The following L3MBTL3 variants were observed in gnomAD, a reference collection of about 807,000 sequenced individuals.
L3MBTL3 encodes the protein lethal(3)malignant brain tumor-like protein 3.
A neutral mutation model predicts 102.3 loss-of-function variants in L3MBTL3; 27 were observed. The observed-to-expected ratio is 0.26, with a 90% CI of 0.19 to 0.36. L3MBTL3 has a LOEUF of 0.36. L3MBTL3 is among the 10% of genes least tolerant of loss of function. L3MBTL3 has a pLI of 1.00. For synonymous variants in L3MBTL3, 340 were observed against 320.9 expected, an observed-to-expected ratio of 1.06 and a Z score of -0.64; for missense variants, 798 against 955.3, an observed-to-expected ratio of 0.84 and a Z score of 2.17.
intron 19 of L3MBTL3, among the ~76,000 whole-genome samples, chr6:130,119,055 CAAA>C (rs918994855): frequency 6.6e-6 from 1 of 152,020 alleles, no homozygotes; most frequent in Non-Finnish European, 1.5e-5. Context: ...AATAAATCCA[CAAA>C]AGGGTAACTG....
At chr6:130,139,063 C>T (rs1788026914) in intron 22 of L3MBTL3, among the ~76,000 whole-genome samples, 1 of 147,060 alleles carries the variant, frequency 6.8e-6, no homozygotes, top group Non-Finnish European at 1.5e-5. Flanking sequence ...TGTTTGATTG[C>T]CCCGTTAGTA....
intron 7 of L3MBTL3, among the ~76,000 whole-genome samples, 181 bp downstream of exon 7, chr6:130,053,172 C>A (rs1424425729): frequency 2.2e-5 from 3 of 136,328 alleles, no homozygotes; most frequent in African/African-American, 7.4e-5. Context: ...AAATGGGAAT[C>A]ATAAACAATA....
chr6:130,078,242 T>C (rs1467806812), intron 13 of L3MBTL3, among the ~76,000 whole-genome samples: 1 of 152,224 alleles, frequency 6.6e-6, no homozygotes, highest in Non-Finnish European at 1.5e-5. Context: ...CACATGATTT[T>C]AATGAATCTA....
chr6:130,073,344 A>G (rs1782753295), intron 13 of L3MBTL3, among the ~76,000 whole-genome samples: 1 of 152,182 alleles, frequency 6.6e-6, no homozygotes, highest in African/African-American at 2.4e-5. Flanking sequence ...TCTGTCCTGA[A>G]TCAAACCTGT....
chr6:130,087,651 A>T (rs984370452), intron 16 of L3MBTL3, among the ~76,000 whole-genome samples: 1 of 152,174 alleles, frequency 6.6e-6, no homozygotes, highest in African/African-American at 2.4e-5. Context: ...AGGAATATGC[A>T]AAAATAAAAA....
intron 16 of L3MBTL3, among the ~76,000 whole-genome samples, chr6:130,090,079 G>T (rs1025783746): frequency 6.6e-6 from 1 of 151,666 alleles, no homozygotes; most frequent in South Asian, 2.1e-4. Flanking sequence ...CTTTTCTTGG[G>T]GTATTCTCTT....
intron 19 of L3MBTL3, among the ~76,000 whole-genome samples, chr6:130,109,572 ATTTG>A (rs1202756209): frequency 6.6e-6 from 1 of 152,068 alleles, no homozygotes; most frequent in East Asian, 1.9e-4. Flanking sequence ...TTTCTTGTAA[ATTTG>A]TTTAAGTTCC....
intron 19 of L3MBTL3, among the ~76,000 whole-genome samples, chr6:130,115,705 A>G (rs1398236273): frequency 1.3e-5 from 2 of 152,242 alleles, no homozygotes; most frequent in African/African-American, 4.8e-5. Context: ...ACATTTTTCC[A>G]TTCAAGTGGA....
intron 2 of L3MBTL3, among the ~76,000 whole-genome samples, chr6:130,033,103 A>G (rs775084917): frequency 6.6e-6 from 1 of 152,176 alleles, no homozygotes; most frequent in Non-Finnish European, 1.5e-5. Flanking sequence ...AGTTGAGGGA[A>G]GGGTAAGGGA....
rs1788176748 is a variant in L3MBTL3 at position 130,140,531 on chromosome 6, G to A, written c.*778G>A. 6.6e-6 allele frequency: 1 copy of A among 152,204 alleles called. No homozygotes were observed. The highest frequency in any genetic ancestry group is 1.5e-5 in the Non-Finnish European group (1 of 68,022). 9.4% of individuals were successfully genotyped at this position (152,204 alleles called of 1,614,324 possible). A position where few individuals can be genotyped will look rare whatever the true frequency, so the allele number is the denominator to read the frequency against. On this transcript the variant is annotated 3_prime_UTR_variant, in exon 23 of 23. Coordinates refer to ENST00000361794, the MANE Select transcript of L3MBTL3 (RefSeq NM_032438.4). ...GAGTGGCATCAGTCTCACTCATCTT[G>A]GTGCCCCGGTGTTTACAAGAGCCAG...
At chr6:130,106,930 G>A (rs941936709) in intron 19 of L3MBTL3, among the ~76,000 whole-genome samples, 1 of 152,190 alleles carries the variant, frequency 6.6e-6, no homozygotes, top group Admixed American at 6.5e-5. Context: ...GTAATCTTAT[G>A]TTTTGAATTG....
chr6:130,116,311 G>A (rs1265925213), intron 19 of L3MBTL3, among the ~76,000 whole-genome samples: 1 of 152,120 alleles, frequency 6.6e-6, no homozygotes, highest in Non-Finnish European at 1.5e-5. Flanking sequence ...TATTATCCTT[G>A]TTTTACCAAT....
rs367719296 is a variant in L3MBTL3, at chr6:130,108,230, TG to T, written c.1886+3656del. On this transcript the variant is annotated intron_variant, in intron 19 of 22. Transcript: ENST00000361794. ...AATAAATGTTAGGTGGTTTTTTTTTTGTTTTTTTTTTTTTTTTTTTTTTAGA... is the reference window on the plus strand; with the variant it reads ...AATAAATGTTAGGTGGTTTTTTTTTTTTTTTTTTTTTTTTTTTTTTTTAGA... Among the ~76,000 whole-genome samples, 938 of 104,524 alleles carry T rather than the reference TG, an allele frequency of 9.0e-3. 41 individuals are homozygous for T. Among genetic ancestry groups the T allele is most frequent in the Middle Eastern group, 0.015 (3 of 200 alleles). 68.6% of individuals were successfully genotyped at this position (104,524 alleles called of 152,430 possible).
intron 19 of L3MBTL3, among the ~76,000 whole-genome samples, chr6:130,119,837 T>G (rs1187991055): frequency 6.6e-6 from 1 of 152,208 alleles, no homozygotes; most frequent in African/African-American, 2.4e-5. Flanking sequence ...AGAAAACATG[T>G]ATTTATTGCA....
At chr6:130,125,871 G>A (rs1786565512) in intron 20 of L3MBTL3, among the ~76,000 whole-genome samples, 1 of 152,102 alleles carries the variant, frequency 6.6e-6, no homozygotes, top group African/African-American at 2.4e-5. Flanking sequence ...CCTGTTTTGA[G>A]TCTAGGAGCA....
intron 16 of L3MBTL3, among the ~76,000 whole-genome samples, chr6:130,090,213 C>G (rs1487297588): frequency 1.4e-5 from 2 of 146,402 alleles, no homozygotes; most frequent in African/African-American, 2.5e-5. Flanking sequence ...TATATATATA[C>G]TTTTACTAAC....
intron 18 of L3MBTL3, among the ~76,000 whole-genome samples, chr6:130,095,510 C>T (rs1466379435): frequency 6.6e-6 from 1 of 152,030 alleles, no homozygotes; most frequent in Non-Finnish European, 1.5e-5. Context: ...TATGATACAT[C>T]TTGGAAGTTA....
rs553857108 is a variant in L3MBTL3 at position 130,064,877 on chromosome 6, G to A, written c.865-1476G>A. Among the ~76,000 whole-genome samples, 9 of 152,310 alleles carry A rather than the reference G, an allele frequency of 5.9e-5. No individual in the cohort carries two copies. The South Asian group carries it at 1.5e-3, about 25-fold the overall frequency. ...GCTCAAGGGAGCAGAAGCTCAGAAC[G>A]GTGTGCCCACAAGGAACTAGAGGCT... On this transcript the variant is annotated intron_variant, in intron 10 of 22. Transcript: ENST00000361794.
intron 13 of L3MBTL3, among the ~76,000 whole-genome samples, chr6:130,077,439 G>A (rs1424643363): frequency 6.6e-6 from 1 of 151,926 alleles, no homozygotes; most frequent in Non-Finnish European, 1.5e-5. Flanking sequence ...AATAGTTTGT[G>A]GTAGAAACAG....
Sources: gnomAD v4.1 joint callset for allele counts (sites outside exome capture counted in the v4.1 genomes callset) on GRCh38, gnomAD v4.1.1 for gene constraint, MANE v1.5 for transcripts, NCBI Gene and HGNC (gene_info 2026-07-23, HGNC 2026-07-21) for gene names.